The following ACVR1 variants were observed in gnomAD, a reference collection of about 807,000 sequenced individuals.
ACVR1 encodes the protein activin A receptor type 1, also known as activin receptor type-1.
A neutral mutation model predicts 57.1 loss-of-function variants in ACVR1; 38 were observed. That is an observed-to-expected ratio of 0.67 (90% CI 0.51 to 0.87). The LOEUF is 0.87. Among genes scored for constraint, ACVR1 ranks in the 40% least tolerant of loss-of-function variants. The pLI, the probability that ACVR1 is intolerant of heterozygous loss-of-function variation, is 0.00. For missense variants in ACVR1, 463 were observed against 638.2 expected (o/e 0.73, Z 2.96); for synonymous variants, 212 against 228.1 (o/e 0.93, Z 0.63).
rs1452705623 is a variant in ACVR1 at position 157,737,135 on chromosome 2, T to C, written c.*396A>G. 2 of 341,328 alleles carry C rather than the reference T, an allele frequency of 5.9e-6. No individual in the cohort carries two copies. Among genetic ancestry groups the C allele is most frequent in the African/African-American group, 4.1e-5 (2 of 48,788 alleles). 21.1% of individuals were successfully genotyped at this position (341,328 alleles called of 1,614,324 possible). On this transcript the variant is annotated 3_prime_UTR_variant, in exon 11 of 11. Coordinates refer to ENST00000434821, the MANE Select transcript of ACVR1 (RefSeq NM_001111067.4). ...CAATAAAGAAGAGAAGCACAGGCAA[T>C]ATTGCTGATTAAAAATTCACCACCT...
chr2:157,746,576 G>C (rs1232944998), intron 9 of ACVR1, among the ~76,000 whole-genome samples: 1 of 152,228 alleles, frequency 6.6e-6, no homozygotes, highest in African/African-American at 2.4e-5. Context: ...TTCAATCTGG[G>C]TACACCGTCT....
chr2:157,791,013 G>C (rs1289009038), intron 3 of ACVR1, among the ~76,000 whole-genome samples: 1 of 152,102 alleles, frequency 6.6e-6, no homozygotes, highest in Non-Finnish European at 1.5e-5. Context: ...CCCTTCCCCT[G>C]CCTGCAATGT....
intron 3 of ACVR1, among the ~76,000 whole-genome samples, chr2:157,783,930 C>T (rs1465123960): frequency 6.6e-6 from 1 of 152,190 alleles, no homozygotes; most frequent in Non-Finnish European, 1.5e-5. Context: ...CACACACATG[C>T]ATGCACACAC....
chr2:157,809,664 T>C (rs1020770047), intron 2 of ACVR1, among the ~76,000 whole-genome samples: 2 of 151,950 alleles, frequency 1.3e-5, no homozygotes, highest in African/African-American at 4.8e-5. Context: ...AAAGTAAAAA[T>C]AAATGCACTC....
At position 157,821,409 on chromosome 2, in the gene ACVR1, T is replaced by C. The variant is rs535410917; in HGVS notation, c.-182-2850A>G. 2.4e-4 allele frequency among the ~76,000 whole-genome samples: 36 copies of C among 151,930 alleles called. No homozygotes were observed. In the South Asian group the frequency reaches 6.0e-3, roughly 25 times the overall value. ...GCGTGGTGGCAGGCACCTGTAATCCTAGCTACTCGGGAGTCTGAGGCACGA... is the reference window on the plus strand; with the variant it reads ...GCGTGGTGGCAGGCACCTGTAATCCCAGCTACTCGGGAGTCTGAGGCACGA... On this transcript the variant is annotated intron_variant, in intron 1 of 10. Coordinates refer to ENST00000434821, the MANE Select transcript of ACVR1 (RefSeq NM_001111067.4).
At chr2:157,768,401 C>A (rs1354556328) in intron 7 of ACVR1, among the ~76,000 whole-genome samples, 1 of 152,170 alleles carries the variant, frequency 6.6e-6, no homozygotes, top group Admixed American at 6.5e-5. Context: ...TCTAACAGCA[C>A]CACTCAAAAG....
intron 9 of ACVR1, among the ~76,000 whole-genome samples, chr2:157,746,194 C>T (rs1179083816): frequency 2.0e-5 from 3 of 152,204 alleles, no homozygotes; most frequent in Admixed American, 6.5e-5. Flanking sequence ...CTGCAAGCTC[C>T]TGGGTGGCCT....
chr2:157,781,127 C>T (rs1686505848), intron 3 of ACVR1, among the ~76,000 whole-genome samples: 1 of 152,182 alleles, frequency 6.6e-6, no homozygotes, highest in Non-Finnish European at 1.5e-5. Context: ...CAGAAATATA[C>T]TACAAACTGA....
At chr2:157,768,951 G>T (rs910322573) in intron 7 of ACVR1, among the ~76,000 whole-genome samples, 2 of 152,230 alleles carry the variant, frequency 1.3e-5, no homozygotes, top group Non-Finnish European at 2.9e-5. Context: ...GTTACACAGA[G>T]ACGTTTAACT....
chr2:157,873,535 G>A (rs1206943460), intron 1 of ACVR1, among the ~76,000 whole-genome samples: 1 of 152,188 alleles, frequency 6.6e-6, no homozygotes, highest in African/African-American at 2.4e-5. Context: ...AGAGATCCAA[G>A]AGCAGAACAA....
chr2:157,803,151 C>G (rs1387085486), intron 2 of ACVR1, among the ~76,000 whole-genome samples: 1 of 152,108 alleles, frequency 6.6e-6, no homozygotes, highest in East Asian at 1.9e-4. Context: ...ACAATCACCA[C>G]TGGCATATTT....
chr2:157,771,453 G>A (rs1378334588), intron 6 of ACVR1, among the ~76,000 whole-genome samples: 1 of 152,136 alleles, frequency 6.6e-6, no homozygotes, highest in South Asian at 2.1e-4. Context: ...GGTTGGAGGA[G>A]GAGGTAATTA....
At chr2:157,799,622 T>G in intron 2 of ACVR1, 122 bp from the exon 3 acceptor site, 1 of 728,266 alleles carries the variant, frequency 1.4e-6, no homozygotes, top group Non-Finnish European at 2.5e-6. Context: ...CTCAGATATA[T>G]TGCCTTACTT....
chr2:157,866,089 T>C (rs1385545051), intron 1 of ACVR1, among the ~76,000 whole-genome samples: 2 of 152,120 alleles, frequency 1.3e-5, no homozygotes, highest in East Asian at 1.9e-4. Flanking sequence ...ATTTTATTTC[T>C]AGGAAAAAAT....
chr2:157,803,713 T>C (rs899571435), intron 2 of ACVR1, among the ~76,000 whole-genome samples: 2 of 152,188 alleles, frequency 1.3e-5, no homozygotes, highest in Non-Finnish European at 2.9e-5. Flanking sequence ...GGAGTGGCAA[T>C]AATTCAATAG....
At position 157,747,784 on chromosome 2, in the gene ACVR1, G is replaced by A. The variant is rs74577731; in HGVS notation, c.1265-9214C>T. Among the ~76,000 whole-genome samples the A allele has an allele frequency of 7.5e-3, 1,141 of 152,040 alleles. 8 individuals are homozygous for A. Among genetic ancestry groups the A allele is most frequent in the Non-Finnish European group, 0.012 (844 of 68,020 alleles). On this transcript the variant is annotated intron_variant, in intron 9 of 10. Transcript: ENST00000434821. The stretch of plus-strand genomic sequence containing the variant: ...GGGTGTACATTGTGTGTATACACAC[G>A]TGAATGTTCATAGAAGAGGGAACAG...
intron 3 of ACVR1, among the ~76,000 whole-genome samples, chr2:157,795,907 C>T (rs138748624): frequency 3.3e-5 from 5 of 152,222 alleles, no homozygotes; most frequent in Admixed American, 6.5e-5. Context: ...CACAGGTCCA[C>T]CCATGATATC....
At chr2:157,773,062 T>C (rs1166243093) in intron 6 of ACVR1, among the ~76,000 whole-genome samples, 1 of 152,062 alleles carries the variant, frequency 6.6e-6, no homozygotes, top group Non-Finnish European at 1.5e-5. Context: ...AAGCAAAAGA[T>C]GCAACGGCAG....
chr2:157,831,717 C>T (rs978854826), intron 1 of ACVR1, among the ~76,000 whole-genome samples: 8 of 152,162 alleles, frequency 5.3e-5, no homozygotes, highest in African/African-American at 1.9e-4. Context: ...GAACTGGTTT[C>T]TACCCTCACT....
Sources: allele counts gnomAD v4.1 joint callset (sites outside exome capture counted in the v4.1 genomes callset), GRCh38; gene constraint gnomAD v4.1.1; transcripts MANE v1.5; gene names NCBI Gene and HGNC (gene_info 2026-07-23, HGNC 2026-07-21).